Variants in TMEM175 observed in about 807,000 individuals in gnomAD.
TMEM175 encodes the protein endosomal/lysosomal proton channel TMEM175.
TMEM175 carries 36 observed loss-of-function variants against 36.5 expected under a neutral mutation model. That is an observed-to-expected ratio of 0.99 (90% CI 0.76 to 1.30). The LOEUF is 1.30. Ranked by LOEUF, TMEM175 falls within the 50% of genes most tolerant of loss-of-function variation. TMEM175 has a pLI of 0.00. For synonymous variants in TMEM175, 339 were observed against 313.4 expected, an observed-to-expected ratio of 1.08 and a Z score of -0.86; for missense variants, 705 against 692.8, an observed-to-expected ratio of 1.02 and a Z score of -0.20.
chr4:948,620 G>T, intron 3 of TMEM175: 3 of 1,279,258 alleles, frequency 2.3e-6, no homozygotes, highest in Non-Finnish European at 3.0e-6. Flanking sequence ...CTGGAGGTGA[G>T]CGGGAAAGGG....
intron 3 of TMEM175, chr4:948,719 C>T: frequency 7.9e-6 from 9 of 1,145,116 alleles, no homozygotes; most frequent in Non-Finnish European, 1.0e-5. Flanking sequence ...GCGTCTGGGG[C>T]CCACACCTGC....
In TMEM175 at chr4:951,243, T is replaced by C. The variant is rs1728853003; in HGVS notation, c.327T>C (p.Leu109=). Residue 109 remains leucine (L), a synonymous_variant, in exon 5 of 11, where the codon CTT becomes CTC. Transcript: ENST00000264771. ...TTGTTGGGAAAACAGACGACACACTTGCCCTGCTCAACCTGGTGAGTATTT... is the reference window on the plus strand; with the variant it reads ...TTGTTGGGAAAACAGACGACACACTCGCCCTGCTCAACCTGGTGAGTATTT... ...FQVVGKTDDT[L]ALLNLACMMT... The C allele has an allele frequency of 1.2e-6, 2 of 1,614,002 alleles. No homozygotes were observed.
intron 1 of TMEM175, among the ~76,000 whole-genome samples, chr4:935,429 AAG>A (rs982613261): frequency 2.3e-4 from 35 of 152,352 alleles, no homozygotes; most frequent in African/African-American, 8.4e-4. Context: ...GCAAGAGATT[AAG>A]AGGATCATTT....
In TMEM175 at chr4:938,451, C is replaced by G. The variant is rs555026363; in HGVS notation, c.-32+5911C>G. ...CCTGGGAAGTGGAGGTTGCAGTGAG[C>G]TGAGATCGCACCACTGTGCTCCACT... On this transcript the variant is annotated intron_variant, in intron 1 of 10. Coordinates refer to ENST00000264771, the MANE Select transcript of TMEM175 (RefSeq NM_032326.4). 3.3e-5 allele frequency among the ~76,000 whole-genome samples: 5 copies of G among 152,196 alleles called. No homozygotes were observed. The South Asian group carries it at 1.0e-3, about 32-fold the overall frequency.
At chr4:955,732 C>T (rs201748211) in intron 9 of TMEM175, 23 bp from the exon 10 acceptor site, 3 of 1,608,342 alleles carry the variant, frequency 1.9e-6, no homozygotes, top group East Asian at 4.5e-5. Flanking sequence ...TTGGCCAGCT[C>T]CACCCTCCTG....
chr4:945,253 T>G (rs1272705430), intron 1 of TMEM175, among the ~76,000 whole-genome samples: 1 of 149,914 alleles, frequency 6.7e-6, no homozygotes, highest in East Asian at 1.9e-4. Context: ...GAAACACACA[T>G]GTCCGTTTAC....
intron 7 of TMEM175, among the ~76,000 whole-genome samples, chr4:952,812 G>A (rs576536837): frequency 5.3e-5 from 8 of 151,780 alleles, no homozygotes; most frequent in Non-Finnish European, 1.0e-4. Flanking sequence ...ATCGATTGCC[G>A]TCAGGTCACA....
chr4:952,326 C>G (rs779170316), intron 6 of TMEM175, 41 bp from the exon 7 acceptor site: 2 of 1,586,780 alleles, frequency 1.3e-6, no homozygotes, highest in South Asian at 2.2e-5. Flanking sequence ...GCCTGGTAAC[C>G]TAGGATTTGG....
chr4:944,139 A>T (rs1414918252), intron 1 of TMEM175, among the ~76,000 whole-genome samples: 2 of 152,158 alleles, frequency 1.3e-5, no homozygotes, highest in Non-Finnish European at 2.9e-5. Context: ...CTAAAAATAC[A>T]AAAATTAGCC....
At chr4:957,803 G>C (rs1729910681) in intron 10 of TMEM175, 21 bp from the exon 11 acceptor site, 1 of 1,576,756 alleles carries the variant, frequency 6.3e-7, no homozygotes, top group Non-Finnish European at 8.6e-7. Flanking sequence ...CGGCACAAAT[G>C]CATCTATTCA....
chr4:958,017 A>G lies in TMEM175; in HGVS notation c.1036A>G (p.Thr346Ala), dbSNP rs978810680. Residue 346 changes from threonine to alanine, a missense_variant, in exon 11 of 11, where the codon ACG becomes GCG. Physicochemically the swap from Thr to Ala is moderately conservative, Grantham distance 58 (BLOSUM62 0). Transcript: ENST00000264771. ...CACGCGGGCCATGGGGCTGCTGAACACGCTCTCGCTGGCCTTCGTGGGTGG... is the reference window on the plus strand; with the variant it reads ...CACGCGGGCCATGGGGCTGCTGAACGCGCTCTCGCTGGCCTTCGTGGGTGG... The part of the protein sequence containing the change: ...KATRAMGLLN[T>A]LSLAFVGGLP... The G allele has an allele frequency of 5.0e-6, 8 of 1,612,290 alleles. 1 individual carries two copies. In the Middle Eastern group the frequency reaches 9.9e-4, roughly 199 times the overall value.
At chr4:946,948 AC>A (rs1468795591) in intron 1 of TMEM175, among the ~76,000 whole-genome samples, 3 of 106,666 alleles carry the variant, frequency 2.8e-5, no homozygotes, top group Non-Finnish European at 5.6e-5. Flanking sequence ...GAGGGAGAGC[AC>A]GGCCCCTGTA....
chr4:937,748 G>T (rs1387514868), intron 1 of TMEM175, among the ~76,000 whole-genome samples: 5 of 152,112 alleles, frequency 3.3e-5, no homozygotes, highest in Non-Finnish European at 7.3e-5. Context: ...GAAAATTACA[G>T]GATAATATCT....
chr4:950,643 G>C, intron 4 of TMEM175, 125 bp downstream of exon 4: 1 of 721,572 alleles, frequency 1.4e-6, no homozygotes, highest in Non-Finnish European at 2.4e-6. Context: ...CCTCATCCGC[G>C]TGGGGATGGC....
At chr4:951,608 G>A (rs537064561) in intron 5 of TMEM175, 74 bp from the exon 6 acceptor site, 35 of 1,601,848 alleles carry the variant, frequency 2.2e-5, no homozygotes, top group South Asian at 1.7e-4. Context: ...GTGCCTTCCC[G>A]GAGTGGGCTC....
At chr4:956,188 A>G in intron 10 of TMEM175, 1 of 787,870 alleles carries the variant, frequency 1.3e-6, no homozygotes, top group Non-Finnish European at 1.8e-6. Context: ...CACTCCTCTC[A>G]GAGGGGCTCA....
intron 1 of TMEM175, among the ~76,000 whole-genome samples, chr4:933,763 C>G (rs1323870157): frequency 3.3e-5 from 5 of 152,212 alleles, no homozygotes; most frequent in African/African-American, 7.2e-5. Context: ...AGCCTCTTAG[C>G]CGTCCCAGAA....
intron 10 of TMEM175, among the ~76,000 whole-genome samples, chr4:957,269 C>T (rs569659985): frequency 2.8e-4 from 42 of 152,262 alleles, no homozygotes; most frequent in African/African-American, 9.1e-4. Context: ...TGTTGAAGGA[C>T]GACACTGTTC....
At chr4:948,266 T>C (rs1478867920) in intron 3 of TMEM175, 112 bp downstream of exon 3, 2 of 1,604,840 alleles carry the variant, frequency 1.2e-6, no homozygotes, top group Admixed American at 1.7e-5. Context: ...TTCTGAGGCT[T>C]AGGAGGCAGA....
Sources: allele counts gnomAD v4.1 joint callset (sites outside exome capture counted in the v4.1 genomes callset), GRCh38; gene constraint gnomAD v4.1.1; transcripts MANE v1.5; gene names NCBI Gene and HGNC (gene_info 2026-07-23, HGNC 2026-07-21).